CD226: variants seen among roughly 807,000 people sequenced by gnomAD.
CD226 encodes CD226 molecule.
Under a neutral mutation model 34.9 loss-of-function variants are expected in CD226, and 24 were observed. The ratio of observed to expected loss-of-function variants is 0.69; its 90% CI spans 0.50 to 0.97. The LOEUF is 0.97. Among genes scored for constraint, CD226 ranks in the 50% least tolerant of loss-of-function variants. The probability of loss-of-function intolerance (pLI) is 0.00; values close to 1 mark genes in which losing one functional copy is unlikely to be tolerated. For synonymous variants in CD226, 148 were observed against 147.4 expected (o/e 1.00, Z -0.03); for missense variants, 397 against 412.7 (o/e 0.96, Z 0.33).
At chr18:69,958,993 G>C (rs941554399), upstream of CD226, among the ~76,000 whole-genome samples, 1 of 152,000 alleles carries the variant, frequency 6.6e-6, no homozygotes, top group Non-Finnish European at 1.5e-5. Flanking sequence ...GGAGGCTCTC[G>C]AAATATGGTA....
At chr18:69,901,739 C>T (rs1461391808) in intron 2 of CD226, among the ~76,000 whole-genome samples, 4 of 151,988 alleles carry the variant, frequency 2.6e-5, no homozygotes, top group South Asian at 2.1e-4. Flanking sequence ...ATTAGCCGGG[C>T]GTGGTGGCAG....
At chr18:69,901,399 A>T (rs2055180584) in intron 2 of CD226, among the ~76,000 whole-genome samples, 1 of 152,200 alleles carries the variant, frequency 6.6e-6, no homozygotes, top group African/African-American at 2.4e-5. Flanking sequence ...TTTATTGATG[A>T]GATGACTTAA....
At chr18:69,874,984 T>TG (rs1446684064) in intron 3 of CD226, among the ~76,000 whole-genome samples, 1 of 152,232 alleles carries the variant, frequency 6.6e-6, no homozygotes, top group Non-Finnish European at 1.5e-5. Context: ...CATCTGTTGA[T>TG]GGACACCTAG....
intron 2 of CD226, among the ~76,000 whole-genome samples, chr18:69,921,686 T>C (rs896981731): frequency 6.6e-6 from 1 of 152,178 alleles, no homozygotes; most frequent in Non-Finnish European, 1.5e-5. Context: ...ACTTGTCTCC[T>C]TGTTAGTCAG....
chr18:69,950,516 G>A (rs187109758), upstream of CD226, among the ~76,000 whole-genome samples: 77 of 152,320 alleles, frequency 5.1e-4, no homozygotes, highest in South Asian at 4.1e-4. Flanking sequence ...GCTGTGTCAG[G>A]TTGGTGGTCG....
chr18:69,936,383 A>G (rs1415325298), intron 2 of CD226, among the ~76,000 whole-genome samples: 1 of 152,214 alleles, frequency 6.6e-6, no homozygotes, highest in African/African-American at 2.4e-5. Context: ...GTAACCATCC[A>G]CTTTCAGTTT....
chr18:69,959,270 G>C (rs375223048), upstream of CD226, among the ~76,000 whole-genome samples: 44 of 152,322 alleles, frequency 2.9e-4, 1 homozygote, highest in African/African-American at 1.1e-3. Flanking sequence ...ACAAATGGAC[G>C]TAAAGAGGGA....
At chr18:69,917,503 T>C (rs898522977) in intron 2 of CD226, among the ~76,000 whole-genome samples, 2 of 152,232 alleles carry the variant, frequency 1.3e-5, no homozygotes, top group African/African-American at 4.8e-5. Flanking sequence ...ATGCACTTTA[T>C]GCTCATATTT....
chr18:69,864,549 C>T, intron 5 of CD226, 110 bp from the exon 6 acceptor site: 1 of 1,033,602 alleles, frequency 9.7e-7, no homozygotes, highest in Non-Finnish European at 1.4e-6. Context: ...GGACAAGTTT[C>T]CATTATAATT....
chr18:69,934,779 A>T (rs970141960), intron 2 of CD226, among the ~76,000 whole-genome samples: 1 of 152,220 alleles, frequency 6.6e-6, no homozygotes, highest in African/African-American at 2.4e-5. Context: ...CAGAAGCCCC[A>T]TCAACTGAGT....
At chr18:69,919,619 G>A (rs1373379678) in intron 2 of CD226, among the ~76,000 whole-genome samples, 3 of 152,130 alleles carry the variant, frequency 2.0e-5, no homozygotes, top group Non-Finnish European at 2.9e-5. Context: ...CATAATATCT[G>A]TCTGTGAAGT....
intron 2 of CD226, among the ~76,000 whole-genome samples, chr18:69,906,613 C>T (rs1349739519): frequency 6.6e-6 from 1 of 152,148 alleles, no homozygotes; most frequent in Non-Finnish European, 1.5e-5. Context: ...CCTATTTTGC[C>T]TAGCAAAATA....
rs1982703977 is a variant in CD226 at position 69,859,184 on chromosome 18, G to T, written c.*5130C>A. On this transcript the variant is annotated 3_prime_UTR_variant, in exon 6 of 6. Coordinates refer to ENST00000582621, the MANE Select transcript of CD226 (RefSeq NM_001303618.2). ...TCCTCCCCCTTTTTCTGGATGAAGG[G>T]AGACACCAGGATGGCAGTTGTGTGC... The T allele has an allele frequency of 6.6e-6, 1 of 152,142 alleles. No homozygotes were observed. Among genetic ancestry groups the T allele is most frequent in the Admixed American group, 6.5e-5 (1 of 15,270 alleles). 9.4% of individuals were successfully genotyped at this position (152,142 alleles called of 1,614,324 possible).
At chr18:69,953,817 T>C (rs2055873911) in intron 1 of CD226, among the ~76,000 whole-genome samples, 1 of 152,144 alleles carries the variant, frequency 6.6e-6, no homozygotes, top group African/African-American at 2.4e-5. Context: ...CTGGCCAACA[T>C]GGTGAAACCC....
At chr18:69,887,855 CA>C (rs1334524156) in intron 3 of CD226, among the ~76,000 whole-genome samples, 1 of 152,042 alleles carries the variant, frequency 6.6e-6, no homozygotes. Context: ...AAAGTTGCAC[CA>C]AAAAAACTTA....
At chr18:69,882,473 G>C (rs1984321917) in intron 3 of CD226, among the ~76,000 whole-genome samples, 1 of 152,170 alleles carries the variant, frequency 6.6e-6, no homozygotes, top group Non-Finnish European at 1.5e-5. Context: ...GTATGGCAAG[G>C]ATATTTAAGT....
chr18:69,856,127 T>C lies in CD226; in HGVS notation c.*8187A>G, dbSNP rs1264663028. On this transcript the variant is annotated 3_prime_UTR_variant, in exon 6 of 6. Transcript: ENST00000582621. Reference sequence around the variant, plus strand: ...AAAGGATAAAGATGTGAGATGCTAATGTTAATTTTTTAAAAAACTGAAAGT... The same window carrying C: ...AAAGGATAAAGATGTGAGATGCTAACGTTAATTTTTTAAAAAACTGAAAGT... 6.6e-6 allele frequency: 1 copy of C among 152,124 alleles called. No individual in the cohort carries two copies. The highest frequency in any genetic ancestry group is 6.5e-5 in the Admixed American group (1 of 15,276). The allele number at this position is 152,124 out of a possible 1,614,324, so 9.4% of individuals were successfully genotyped here. A position where few individuals can be genotyped will look rare whatever the true frequency, so the allele number is the denominator to read the frequency against.
rs768005426 is a variant in CD226 at position 69,864,389 on chromosome 18, T to A, written c.936A>T (p.Gln312His). The A allele has an allele frequency of 6.2e-7, 1 of 1,613,330 alleles. No homozygotes were observed. Among genetic ancestry groups the A allele is most frequent in the South Asian group, 1.1e-5 (1 of 91,068 alleles). Residue 312 changes from glutamine (Q) to histidine (H), a missense_variant, in exon 6 of 6, where the codon CAA becomes CAT. Physicochemically the swap from Gln to His is conservative, Grantham distance 24. Transcript: ENST00000582621. Reference sequence around the variant, plus strand: ...TATCCTCTCTTGTATCATCCATGGATTGATTGGTAGGTTGACTGGTAGAGA... The same window carrying A: ...TATCCTCTCTTGTATCATCCATGGAATGATTGGTAGGTTGACTGGTAGAGA... The part of the protein sequence containing the change: ...SPISTSQPTN[Q>H]SMDDTREDIY...
rs1449877559 is a variant in CD226 at position 69,947,088 on chromosome 18, C to T, written c.47-19G>A. 2 of 1,580,692 alleles carry T rather than the reference C, an allele frequency of 1.3e-6. No homozygotes were observed. The highest frequency in any genetic ancestry group is 1.7e-6 in the Non-Finnish European group (2 of 1,152,330). ...CATAGAGCTGAAATATACAACATCA[C>T]ATTAATTGTTAGCCTTGATGATGGA... On this transcript the variant is annotated intron_variant, in intron 1 of 5. Transcript: ENST00000582621.
Sources: gnomAD v4.1 joint callset for allele counts (sites outside exome capture counted in the v4.1 genomes callset) on GRCh38, gnomAD v4.1.1 for gene constraint, MANE v1.5 for transcripts, NCBI Gene and HGNC (gene_info 2026-07-23, HGNC 2026-07-21) for gene names.